Variants in METTL8 observed in about 807,000 individuals in gnomAD.
METTL8 encodes methyltransferase 8, tRNA N3-cytidine, also known as tRNA N(3)-cytidine methyltransferase METTL8, mitochondrial.
A neutral mutation model predicts 48.7 loss-of-function variants in METTL8; 32 were observed. That is an observed-to-expected ratio of 0.66 (90% CI 0.50 to 0.88). METTL8 has a LOEUF of 0.88. Among genes scored for constraint, METTL8 ranks in the 40% least tolerant of loss-of-function variants. The pLI, the probability that METTL8 is intolerant of heterozygous loss-of-function variation, is 0.00. For missense variants in METTL8, 464 were observed against 474.4 expected (o/e 0.98, Z 0.20); for synonymous variants, 136 against 157.1 (o/e 0.87, Z 1.01).
chr2:171,434,177 C>A (rs1255258600), upstream of METTL8: 1 of 374,072 alleles, frequency 2.7e-6, no homozygotes, highest in African/African-American at 2.1e-5. Context: ...AGAGGCAGGG[C>A]CGGGCAAGCC....
chr2:171,364,012 C>T (rs908314527), intron 2 of METTL8, among the ~76,000 whole-genome samples: 2 of 151,366 alleles, frequency 1.3e-5, no homozygotes, highest in African/African-American at 4.9e-5. Flanking sequence ...GGGGTTTCAC[C>T]ATGTTGGCCA....
chr2:171,380,641 A>G (rs1182840297), intron 2 of METTL8, among the ~76,000 whole-genome samples: 1 of 152,194 alleles, frequency 6.6e-6, no homozygotes, highest in Admixed American at 6.5e-5. Flanking sequence ...ATGAACTACC[A>G]TTCACAACTG....
chr2:171,341,057 C>T (rs908016639), intron 3 of METTL8, among the ~76,000 whole-genome samples: 3 of 151,204 alleles, frequency 2.0e-5, no homozygotes, highest in East Asian at 1.9e-4. Context: ...GGGCCGGGCA[C>T]GATGGCTCAT....
At chr2:171,354,853 C>T (rs1449943664) in intron 3 of METTL8, among the ~76,000 whole-genome samples, 1 of 142,568 alleles carries the variant, frequency 7.0e-6, no homozygotes, top group Non-Finnish European at 1.5e-5. Flanking sequence ...TCTAGTTAGC[C>T]ATTTGTCTAA....
At chr2:171,406,448 T>A (rs1690187337) in intron 1 of METTL8, among the ~76,000 whole-genome samples, 1 of 152,212 alleles carries the variant, frequency 6.6e-6, no homozygotes, top group South Asian at 2.1e-4. Flanking sequence ...GTCTGGAGGC[T>A]AGAAGTCCCA....
intron 3 of METTL8, among the ~76,000 whole-genome samples, chr2:171,342,497 G>A (rs535574128): frequency 6.6e-6 from 1 of 152,152 alleles, no homozygotes; most frequent in South Asian, 2.1e-4. Flanking sequence ...AAATTGGAGT[G>A]TGCCTGATAT....
intron 8 of METTL8, 53 bp from the exon 9 acceptor site, chr2:171,325,959 A>AT: frequency 7.2e-7 from 1 of 1,390,622 alleles, no homozygotes; most frequent in Non-Finnish European, 1.0e-6. Context: ...TTAAAAAAAA[A>AT]CAACTAAATA....
At chr2:171,383,431 G>T (rs147839407) in intron 2 of METTL8, among the ~76,000 whole-genome samples, 8 of 151,826 alleles carry the variant, frequency 5.3e-5, no homozygotes, top group African/African-American at 1.7e-4. Flanking sequence ...ATAGAAACAG[G>T]GTAGAATAAA....
In METTL8 at chr2:171,403,679, T is replaced by C. The variant is rs1055214754; in HGVS notation, c.-12-11482A>G. On this transcript the variant is annotated intron_variant, in intron 1 of 9. Transcript: ENST00000375258. Reference sequence around the variant, plus strand: ...CAAGGGAGACGGGGTATGGACTATATGGAACCTCTCTATACTAACTTCACA... The same window carrying C: ...CAAGGGAGACGGGGTATGGACTATACGGAACCTCTCTATACTAACTTCACA... Among the ~76,000 whole-genome samples, 10 of 152,206 alleles carry C rather than the reference T, an allele frequency of 6.6e-5. 1 individual carries two copies. Among genetic ancestry groups the C allele is most frequent in the African/African-American group, 2.4e-4 (10 of 41,552 alleles).
intron 2 of METTL8, among the ~76,000 whole-genome samples, chr2:171,391,833 A>G (rs1030460112): frequency 6.6e-6 from 1 of 152,242 alleles, no homozygotes; most frequent in Non-Finnish European, 1.5e-5. Context: ...TACTAAAAGC[A>G]TATGGAAAGT....
chr2:171,334,568 C>T (rs1312273760), intron 5 of METTL8, among the ~76,000 whole-genome samples: 1 of 152,122 alleles, frequency 6.6e-6, no homozygotes, highest in Admixed American at 6.6e-5. Context: ...ATCCTACACT[C>T]TCTAAAAGTA....
intron 1 of METTL8, among the ~76,000 whole-genome samples, chr2:171,393,221 G>C (rs774033656): frequency 1.3e-5 from 2 of 151,936 alleles, no homozygotes; most frequent in Non-Finnish European, 2.9e-5. Context: ...AAGAGTTAGA[G>C]ACCAGCCTGG....
At chr2:171,413,390 G>T (rs1389100785) in intron 1 of METTL8, among the ~76,000 whole-genome samples, 1 of 152,056 alleles carries the variant, frequency 6.6e-6, no homozygotes, top group Admixed American at 6.6e-5. Context: ...ACAGATATAA[G>T]AATCCAGTCA....
rs12408300 is a variant in METTL8 at position 171,352,345 on chromosome 2, C to A, written c.235+8077G>T. 6.3e-3 allele frequency among the ~76,000 whole-genome samples: 956 copies of A among 152,272 alleles called. 4 individuals carry two copies. Among genetic ancestry groups the A allele is most frequent in the Non-Finnish European group, 9.8e-3 (669 of 68,022 alleles). On this transcript the variant is annotated intron_variant, in intron 3 of 9. Coordinates refer to ENST00000375258, the MANE Select transcript of METTL8 (RefSeq NM_001321154.2). ...CATGGTGGATAAGCTTTTTGATGTG[C>A]TCCTGGATTCAGTTTGCCAGTATTT...
intron 2 of METTL8, among the ~76,000 whole-genome samples, chr2:171,390,402 T>G (rs1291435515): frequency 1.3e-5 from 2 of 152,190 alleles, no homozygotes; most frequent in Non-Finnish European, 2.9e-5. Context: ...AGAACTACAT[T>G]TCGTAAAGCT....
intron 1 of METTL8, among the ~76,000 whole-genome samples, chr2:171,410,382 G>A (rs536690632): frequency 6.6e-6 from 1 of 152,138 alleles, no homozygotes; most frequent in South Asian, 2.1e-4. Flanking sequence ...CACTGCCTGG[G>A]GCAACTCGAA....
chr2:171,375,014 G>A (rs1196287063), intron 2 of METTL8: 11 of 1,016,856 alleles, frequency 1.1e-5, no homozygotes, highest in African/African-American at 9.4e-5. Context: ...TGGGCTTCAC[G>A]AGATCGATTC....
At position 171,316,996 on chromosome 2, in the gene METTL8, A is replaced by G. The variant is rs1465709157; in HGVS notation, c.*7176T>C. The stretch of plus-strand genomic sequence containing the variant: ...GCAGGACTGCCTCAGGAGGAACACA[A>G]GTTGCTCTCAGGAGGCAGAAGGTGA... On this transcript the variant is annotated 3_prime_UTR_variant, in exon 10 of 10. Transcript: ENST00000375258. 6.6e-6 allele frequency among the ~76,000 whole-genome samples: 1 copy of G among 152,198 alleles called. No homozygotes were observed. Among genetic ancestry groups the G allele is most frequent in the African/African-American group, 2.4e-5 (1 of 41,446 alleles).
chr2:171,326,275 T>C (rs1045787012), intron 7 of METTL8, 127 bp from the exon 8 acceptor site: 9 of 578,444 alleles, frequency 1.6e-5, no homozygotes, highest in Admixed American at 1.1e-4. Context: ...ACCATAAACA[T>C]AAGGGTAACA....
Sources: allele counts gnomAD v4.1 joint callset (sites outside exome capture counted in the v4.1 genomes callset), GRCh38; gene constraint gnomAD v4.1.1; transcripts MANE v1.5; gene names NCBI Gene and HGNC (gene_info 2026-07-23, HGNC 2026-07-21).